Variants in MARCHF1 observed in about 807,000 individuals in gnomAD.
The protein encoded by MARCHF1 is E3 ubiquitin-protein ligase MARCHF1.
Under a neutral mutation model 54.2 loss-of-function variants are expected in MARCHF1, and 40 were observed. The ratio of observed to expected loss-of-function variants is 0.74; its 90% CI spans 0.57 to 0.96. The LOEUF (loss-of-function observed/expected upper bound fraction) is 0.96, where lower values mean the gene tolerates loss of function less well. Ranked by LOEUF, MARCHF1 falls within the 40% of genes least tolerant of loss-of-function variation. The probability of loss-of-function intolerance (pLI) is 0.00; values close to 1 mark genes in which losing one functional copy is unlikely to be tolerated. For synonymous variants in MARCHF1, 236 were observed against 236.3 expected (o/e 1.00, Z 0.01); for missense variants, 586 against 656.5 (o/e 0.89, Z 1.17).
At chr4:163,949,695 C>T (rs1345466155) in intron 3 of MARCHF1, among the ~76,000 whole-genome samples, 1 of 151,760 alleles carries the variant, frequency 6.6e-6, no homozygotes, top group East Asian at 1.9e-4. Context: ...GAGTGCTCAG[C>T]TCTCATCAGA....
chr4:163,773,492 T>A (rs991619464), intron 4 of MARCHF1, among the ~76,000 whole-genome samples: 1 of 152,188 alleles, frequency 6.6e-6, no homozygotes, highest in Non-Finnish European at 1.5e-5. Context: ...TTTTATCACT[T>A]CCATGGGCTA....
intron 3 of MARCHF1, among the ~76,000 whole-genome samples, chr4:163,930,873 A>T (rs553033530): frequency 1.3e-5 from 2 of 152,284 alleles, no homozygotes; most frequent in Admixed American, 6.5e-5. Flanking sequence ...TGCATGAAAT[A>T]GGGATGTAAC....
intron 1 of MARCHF1, among the ~76,000 whole-genome samples, chr4:164,217,742 G>A (rs566845416): frequency 5.3e-5 from 8 of 152,236 alleles, no homozygotes; most frequent in African/African-American, 1.4e-4. Context: ...TCCAGAACAG[G>A]GGCATCCCCA....
Position 164,066,438 on chromosome 4 carries a change from C to G in MARCHF1, c.-248+45150G>C, listed in dbSNP as rs576529168. ...TTGGTGGGAGTGTAAATTAGTTCAG[C>G]CATTGTGAAAGACAGTGTGGCATTT... On this transcript the variant is annotated intron_variant, in intron 2 of 9. Transcript: ENST00000514618. Among the ~76,000 whole-genome samples, 32 of 152,226 alleles carry G rather than the reference C, an allele frequency of 2.1e-4. 1 individual carries two copies. The highest frequency in any genetic ancestry group is 2.0e-3 in the Admixed American group (31 of 15,296).
chr4:164,168,399 G>T (rs1730435712), intron 1 of MARCHF1, among the ~76,000 whole-genome samples: 1 of 151,962 alleles, frequency 6.6e-6, no homozygotes, highest in Non-Finnish European at 1.5e-5. Flanking sequence ...CTGTGTATAT[G>T]TCCAAAGGAG....
chr4:164,013,825 A>T (rs1481266124), intron 2 of MARCHF1, among the ~76,000 whole-genome samples: 1 of 152,142 alleles, frequency 6.6e-6, no homozygotes, highest in Non-Finnish European at 1.5e-5. Context: ...TTCCTATACA[A>T]ACAAAAGCTG....
chr4:164,096,546 A>T (rs1049349421), intron 2 of MARCHF1, among the ~76,000 whole-genome samples: 30 of 150,626 alleles, frequency 2.0e-4, no homozygotes, highest in Admixed American at 6.6e-5. Flanking sequence ...ACAGACCTGC[A>T]CATGTATTTC....
chr4:163,835,201 ATTATAT>A (rs564844075), intron 4 of MARCHF1, among the ~76,000 whole-genome samples: 1 of 152,322 alleles, frequency 6.6e-6, no homozygotes, highest in Admixed American at 6.5e-5. Flanking sequence ...ATTTATATTA[ATTATAT>A]TTATAGGGAA....
rs1339710126 is a variant in MARCHF1, at chr4:164,176,326, C to T, written c.-322-64664G>A. ...TATAGTCATTGGTGCTTGCCACACG[C>T]ACAGACATAGAAGCAAAATAGTGTC... On this transcript the variant is annotated intron_variant, in intron 1 of 9. Transcript: ENST00000514618. Among the ~76,000 whole-genome samples the T allele has an allele frequency of 2.0e-5, 3 of 152,224 alleles. No individual in the cohort carries two copies. In the East Asian group the frequency reaches 5.8e-4, roughly 29 times the overall value.
chr4:164,316,224 C>T (rs1310567819), intron 1 of MARCHF1, among the ~76,000 whole-genome samples: 1 of 152,166 alleles, frequency 6.6e-6, no homozygotes, highest in Non-Finnish European at 1.5e-5. Context: ...CCCAAACAAA[C>T]TAACCTTCCA....
At chr4:163,915,843 C>T (rs1229185589) in intron 3 of MARCHF1, among the ~76,000 whole-genome samples, 1 of 152,112 alleles carries the variant, frequency 6.6e-6, no homozygotes. Context: ...TCAGCCTTGG[C>T]CTGGATCTGA....
intron 5 of MARCHF1, among the ~76,000 whole-genome samples, chr4:163,662,542 C>A (rs1287790224): frequency 6.6e-6 from 1 of 152,038 alleles, no homozygotes; most frequent in African/African-American, 2.4e-5. Context: ...TCCCTTTCAG[C>A]CCTCTGCGGC....
At chr4:164,330,851 C>T (rs569091421) in intron 1 of MARCHF1, among the ~76,000 whole-genome samples, 36 of 152,238 alleles carry the variant, frequency 2.4e-4, no homozygotes, top group Middle Eastern at 3.4e-3. Context: ...TCATGCTACA[C>T]CTAAATTTAT....
intron 2 of MARCHF1, among the ~76,000 whole-genome samples, chr4:164,012,627 C>T (rs1753447195): frequency 6.6e-6 from 1 of 151,994 alleles, no homozygotes; most frequent in Admixed American, 6.6e-5. Flanking sequence ...TGAACAGTGC[C>T]AGCTATGGTG....
At chr4:163,549,238 T>C (rs952236263) in intron 8 of MARCHF1, among the ~76,000 whole-genome samples, 2 of 152,206 alleles carry the variant, frequency 1.3e-5, no homozygotes, top group African/African-American at 4.8e-5. Context: ...TTTTCCCACA[T>C]GCCCCCTAGA....
intron 2 of MARCHF1, among the ~76,000 whole-genome samples, chr4:164,050,422 T>C (rs1053720137): frequency 1.3e-5 from 2 of 151,888 alleles, no homozygotes; most frequent in African/African-American, 4.8e-5. Context: ...CTTCTTTCAG[T>C]CTTTCACCAG....
chr4:164,306,094 C>T (rs990473817), intron 1 of MARCHF1, among the ~76,000 whole-genome samples: 1 of 151,936 alleles, frequency 6.6e-6, no homozygotes, highest in Non-Finnish European at 1.5e-5. Context: ...TGTCTTTATA[C>T]ATGAAATAAA....
At chr4:164,052,270 CCTGTAAT>C (rs398064215) in intron 2 of MARCHF1, among the ~76,000 whole-genome samples, 1 of 8,864 alleles carries the variant, frequency 1.1e-4, no homozygotes, top group African/African-American at 3.0e-4. Flanking sequence ...CGCCTGTAAT[CCTGTAAT>C]CCCAGCACTT....
At chr4:163,766,551 G>GAAC (rs1483182296) in intron 4 of MARCHF1, among the ~76,000 whole-genome samples, 1 of 152,118 alleles carries the variant, frequency 6.6e-6, no homozygotes, top group Non-Finnish European at 1.5e-5. Flanking sequence ...AGGCTGGCAA[G>GAAC]AACATTCCAT....
Sources: allele counts gnomAD v4.1 joint callset (sites outside exome capture counted in the v4.1 genomes callset), GRCh38; gene constraint gnomAD v4.1.1; transcripts MANE v1.5; gene names NCBI Gene and HGNC (gene_info 2026-07-23, HGNC 2026-07-21).